CARD6: variants seen among roughly 807,000 people sequenced by gnomAD.
CARD6 encodes caspase recruitment domain-containing protein 6.
CARD6 carries 27 observed loss-of-function variants against 23.6 expected under a neutral mutation model. The ratio of observed to expected loss-of-function variants is 1.14; its 90% CI spans 0.84 to 1.58. The LOEUF is 1.58. CARD6 is among the 40% of genes most tolerant of loss of function. The pLI, the probability that CARD6 is intolerant of heterozygous loss-of-function variation, is 0.00. For synonymous variants in CARD6, 397 were observed against 431.8 expected (o/e 0.92, Z 1.00); for missense variants, 1,214 against 1,209.9 (o/e 1.00, Z -0.05).
intron 2 of CARD6, among the ~76,000 whole-genome samples, chr5:40,851,123 A>G (rs1233952538): frequency 1.3e-5 from 2 of 151,730 alleles, no homozygotes; most frequent in African/African-American, 2.4e-5. Context: ...ACTTGAGGTC[A>G]GGAGTTCGAG....
At chr5:40,851,782 C>G (rs1345502634) in intron 2 of CARD6, among the ~76,000 whole-genome samples, 3 of 152,102 alleles carry the variant, frequency 2.0e-5, no homozygotes, top group African/African-American at 4.8e-5. Flanking sequence ...CTCCATTGCA[C>G]TCCAGCCTGG....
Position 40,852,123 on chromosome 5 carries a change from G to A in CARD6, c.842-51G>A, listed in dbSNP as rs767177880. Reference sequence around the variant, plus strand: ...CTGTCTCAAAAAAAGAAGTCGATGGGGAAAATTGAAACTCTGAACATGGCA... The same window carrying A: ...CTGTCTCAAAAAAAGAAGTCGATGGAGAAAATTGAAACTCTGAACATGGCA... On this transcript the variant is annotated intron_variant, in intron 2 of 2. Coordinates refer to ENST00000254691, the MANE Select transcript of CARD6 (RefSeq NM_032587.4). 130 of 1,233,100 alleles carry A rather than the reference G, an allele frequency of 1.1e-4. No individual in the cohort carries two copies. The East Asian group carries it at 3.0e-3, about 28-fold the overall frequency. The allele number at this position is 1,233,100 out of a possible 1,614,324, so 76.4% of individuals were successfully genotyped here.
Position 40,853,204 on chromosome 5 carries a change from C to T in CARD6, c.1872C>T (p.Gly624=). The T allele has an allele frequency of 6.2e-7, 1 of 1,614,120 alleles. No individual in the cohort carries two copies. The highest frequency in any genetic ancestry group is 8.5e-7 in the Non-Finnish European group (1 of 1,180,024). The stretch of plus-strand genomic sequence containing the variant: ...GGGATAGAAGGAAGAACATGGAGGG[C>T]CTTCAAGCTGCCCTCCAGGAAGTGA... ...DAGDRRKNME[G]LQAALQEVMF... Residue 624 remains glycine (G), a synonymous_variant, in exon 3 of 3, where the codon GGC becomes GGT. Transcript: ENST00000254691.
chr5:40,853,991 A>C lies in CARD6; in HGVS notation c.2659A>C (p.Arg887=). 6.2e-7 allele frequency: 1 copy of C among 1,614,220 alleles called. No individual in the cohort carries two copies. The highest frequency in any genetic ancestry group is 1.1e-5 in the South Asian group (1 of 91,090). Residue 887 remains arginine, a synonymous_variant, in exon 3 of 3, where the codon AGA becomes CGA. Transcript: ENST00000254691. ...ELTEATGKLI[R]TSHIGKPHPQ... ...AACTGAAGCAACTGGAAAACTGATA[A>C]GAACATCCCATATTGGAAAGCCTCA... is the stretch of plus-strand genomic sequence containing the variant.
At chr5:40,845,674 C>T (rs545573801) in intron 2 of CARD6, among the ~76,000 whole-genome samples, 4 of 152,224 alleles carry the variant, frequency 2.6e-5, no homozygotes, top group Non-Finnish European at 5.9e-5. Flanking sequence ...TCCCATTTAC[C>T]TTCTTCCGTA....
Position 40,843,182 on chromosome 5 carries a change from C to G in CARD6, c.314C>G (p.Pro105Arg). ...TTAAAACATGAGAATACAGTACCTC[C>G]TCAATCTATGGGGGCAAGCAGTAAT... ...EVLKHENTVP[P>R]QSMGASSNSE... Residue 105 changes from proline to arginine, a missense_variant, in exon 2 of 3, where the codon CCT (proline) becomes CGT (arginine). By Grantham distance (103) the Pro-to-Arg change is moderately radical (BLOSUM62 -2). Transcript: ENST00000254691. The G allele has an allele frequency of 6.2e-7, 1 of 1,605,562 alleles. No individual in the cohort carries two copies. The highest frequency in any genetic ancestry group is 8.5e-7 in the Non-Finnish European group (1 of 1,177,976).
chr5:40,845,516 T>C (rs1235459909), intron 2 of CARD6, among the ~76,000 whole-genome samples: 3 of 152,190 alleles, frequency 2.0e-5, no homozygotes, highest in Non-Finnish European at 4.4e-5. Flanking sequence ...AAATAACTTC[T>C]TAATACATGA....
Position 40,852,589 on chromosome 5 carries a change from A to G in CARD6, c.1257A>G (p.Leu419=), listed in dbSNP as rs749127157. ...ATGCAGAAAACAACAAAAGCATCTT[A>G]ATGCTGGGGGCCATGAAAGACATTG... The part of the protein sequence containing the change: ...LPDAENNKSI[L]MLGAMKDIVK... The change falls in exon 3 of 3, where the codon TTA becomes TTG. Residue 419 remains leucine, a synonymous_variant. Coordinates refer to ENST00000254691, the MANE Select transcript of CARD6 (RefSeq NM_032587.4). 1 of 1,614,200 alleles carries G rather than the reference A, an allele frequency of 6.2e-7. No homozygotes were observed. Among genetic ancestry groups the G allele is most frequent in the South Asian group, 1.1e-5 (1 of 91,082 alleles).
intron 2 of CARD6, among the ~76,000 whole-genome samples, chr5:40,846,942 A>C (rs1301962690): frequency 1.3e-5 from 2 of 152,242 alleles, no homozygotes; most frequent in Non-Finnish European, 2.9e-5. Flanking sequence ...AGCCAGGTTT[A>C]GGGTTGGGGG....
In CARD6 at chr5:40,853,275, C is replaced by A; in HGVS notation, c.1943C>A (p.Ala648Asp). The change falls in exon 3 of 3, where the codon GCC becomes GAC. Residue 648 changes from alanine to aspartate, a missense_variant. Transcript: ENST00000254691. ...TGTGTGTCTGTGGAGGATATGGCCG[C>A]CCTGGCCAGGGAGCTGGGGATTCAG... ...LRCVSVEDMA[A>D]LARELGIQVD... The A allele has an allele frequency of 6.2e-7, 1 of 1,614,122 alleles. No individual in the cohort carries two copies. Among genetic ancestry groups the A allele is most frequent in the East Asian group, 2.2e-5 (1 of 44,868 alleles).
At chr5:40,842,106 C>T (rs1458264646) in intron 1 of CARD6, among the ~76,000 whole-genome samples, 1 of 152,180 alleles carries the variant, frequency 6.6e-6, no homozygotes, top group South Asian at 2.1e-4. Context: ...TAATTTTTAA[C>T]ACATAGATGG....
At position 40,843,555 on chromosome 5, in the gene CARD6, A is replaced by G. The variant is rs374690842; in HGVS notation, c.687A>G (p.Glu229=). 5 of 1,609,002 alleles carry G rather than the reference A, an allele frequency of 3.1e-6. No homozygotes were observed. The highest frequency in any genetic ancestry group is 4.2e-6 in the Non-Finnish European group (5 of 1,178,784). The change falls in exon 2 of 3, where the codon GAA becomes GAG. Residue 229 remains glutamate, a synonymous_variant. Transcript: ENST00000254691. The part of the protein sequence containing the change: ...DTPEDAEATV[E]EEVYDDPEHV... ...CTGAAGATGCAGAAGCCACTGTGGA[A>G]GAGGAGGTTTATGATGACCCAGAGC...
rs144230867 is a variant in CARD6, at chr5:40,849,847, G to A, written c.842-2327G>A. 3.2e-3 allele frequency among the ~76,000 whole-genome samples: 479 copies of A among 152,062 alleles called. 2 individuals are homozygous for A. Among genetic ancestry groups the A allele is most frequent in the African/African-American group, 0.011 (454 of 41,484 alleles). ...AATGAAAAGTTAGGTGGGGTTGATG[G>A]TGTGCACTTGTGGTCCCAGCTACTC... On this transcript the variant is annotated intron_variant, in intron 2 of 2. Coordinates refer to ENST00000254691, the MANE Select transcript of CARD6 (RefSeq NM_032587.4).
intron 2 of CARD6, among the ~76,000 whole-genome samples, chr5:40,844,319 T>C (rs1172183549): frequency 6.6e-6 from 1 of 152,130 alleles, no homozygotes; most frequent in Non-Finnish European, 1.5e-5. Context: ...CCGCAGCCTC[T>C]ACCTCCCAGG....
At chr5:40,846,582 G>A (rs892687572) in intron 2 of CARD6, among the ~76,000 whole-genome samples, 1 of 152,070 alleles carries the variant, frequency 6.6e-6, no homozygotes, top group African/African-American at 2.4e-5. Context: ...CCCTCTGGAG[G>A]TGCTAGGAAA....
Position 40,853,277 on chromosome 5 carries a change from C to G in CARD6, c.1945C>G (p.Leu649Val), listed in dbSNP as rs1326387318. Residue 649 changes from leucine to valine, a missense_variant, in exon 3 of 3, where the codon CTG becomes GTG. Leu to Val is a conservative substitution (Grantham distance 32). Transcript: ENST00000254691. ...TGTGTCTGTGGAGGATATGGCCGCC[C>G]TGGCCAGGGAGCTGGGGATTCAGGT... ...RCVSVEDMAA[L>V]ARELGIQVDE... is the part of the protein sequence containing the mutation. 2.5e-6 allele frequency: 4 copies of G among 1,614,092 alleles called. No homozygotes were observed. The highest frequency in any genetic ancestry group is 1.7e-6 in the Non-Finnish European group (2 of 1,180,038).
Position 40,841,488 on chromosome 5 carries a change from C to T in CARD6, c.106C>T (p.Arg36Trp), listed in dbSNP as rs750466090. 6 of 1,613,916 alleles carry T rather than the reference C, an allele frequency of 3.7e-6. No individual in the cohort carries two copies. Among genetic ancestry groups the T allele is most frequent in the Middle Eastern group, 3.3e-4 (2 of 6,062 alleles). The change falls in exon 1 of 3, where the codon CGG becomes TGG. Residue 36 changes from arginine (R) to tryptophan (W), a missense_variant. Transcript: ENST00000254691. ...PDSILDTLTS[R>W]RLISEEEYET... Reference sequence around the variant, plus strand: ...TTCTATCTTAGACACGTTAACTTCTCGGAGGCTGATTTCTGAGGAAGAGTA... The same window carrying T: ...TTCTATCTTAGACACGTTAACTTCTTGGAGGCTGATTTCTGAGGAAGAGTA...
At position 40,853,082 on chromosome 5, in the gene CARD6, A is replaced by G. The variant is rs755239866; in HGVS notation, c.1750A>G (p.Ser584Gly). ...AAIERCYFVL[S>G]SQARESEEAQ... ...CATTGAAAGATGCTACTTTGTTCTC[A>G]GTTCCCAAGCCAGGGAGAGTGAAGA... Residue 584 changes from serine (S) to glycine (G), a missense_variant, in exon 3 of 3, where the codon AGT becomes GGT. Coordinates refer to ENST00000254691, the MANE Select transcript of CARD6 (RefSeq NM_032587.4). 18 of 1,614,174 alleles carry G rather than the reference A, an allele frequency of 1.1e-5. No individual in the cohort carries two copies. In the African/African-American group the frequency reaches 2.4e-4, roughly 22 times the overall value.
rs1746136423 is a variant in CARD6, at chr5:40,853,930, A to G, written c.2598A>G (p.Pro866=). 1 of 1,614,180 alleles carries G rather than the reference A, an allele frequency of 6.2e-7. No homozygotes were observed. The highest frequency in any genetic ancestry group is 8.5e-7 in the Non-Finnish European group (1 of 1,180,026). ...AGCCAGCAAGAGCAGTAGGGAAGCC[A>G]TGGCCTCAGCAAGCTTGCACCAGGG... ...DSQPARAVGK[P]WPQQACTRVT... The change falls in exon 3 of 3, where the codon CCA becomes CCG. Residue 866 remains proline, a synonymous_variant. Coordinates refer to ENST00000254691, the MANE Select transcript of CARD6 (RefSeq NM_032587.4).
Sources: gnomAD v4.1 joint callset for allele counts (sites outside exome capture counted in the v4.1 genomes callset) on GRCh38, gnomAD v4.1.1 for gene constraint, MANE v1.5 for transcripts, NCBI Gene and HGNC (gene_info 2026-07-23, HGNC 2026-07-21) for gene names.